ATXN7L1: variants seen among roughly 807,000 people sequenced by gnomAD.
ATXN7L1 encodes ataxin-7-like protein 1.
In ATXN7L1, 15 loss-of-function variants were observed where a neutral mutation model predicts 70.8. The ratio of observed to expected loss-of-function variants is 0.21; its 90% CI spans 0.14 to 0.33. The LOEUF (loss-of-function observed/expected upper bound fraction) is 0.33. Among genes scored for constraint, ATXN7L1 ranks in the 10% least tolerant of loss-of-function variants. The pLI is 1.00. For missense variants in ATXN7L1, 975 were observed against 1,097.1 expected, an observed-to-expected ratio of 0.89 and a Z score of 1.57; for synonymous variants, 440 against 445.1, an observed-to-expected ratio of 0.99 and a Z score of 0.14.
At chr7:105,704,807 C>T (rs895097126) in intron 3 of ATXN7L1, among the ~76,000 whole-genome samples, 3 of 151,742 alleles carry the variant, frequency 2.0e-5, no homozygotes, top group African/African-American at 7.3e-5. Context: ...GATGGCGTTT[C>T]ACTATGTTGG....
At chr7:105,638,162 T>C (rs1231239253) in intron 7 of ATXN7L1, among the ~76,000 whole-genome samples, 191 bp downstream of exon 7, 5 of 152,256 alleles carry the variant, frequency 3.3e-5, no homozygotes, top group Non-Finnish European at 4.4e-5. Flanking sequence ...GTAAAATCTG[T>C]TGAACACTAT....
At chr7:105,861,312 T>C (rs981140220) in intron 2 of ATXN7L1, among the ~76,000 whole-genome samples, 1 of 152,096 alleles carries the variant, frequency 6.6e-6, no homozygotes, top group Non-Finnish European at 1.5e-5. Context: ...TTTCAGAAGA[T>C]TAATTTTTGA....
chr7:105,753,694 A>G lies in ATXN7L1; in HGVS notation c.355+34910T>C, dbSNP rs188813116. Among the ~76,000 whole-genome samples, 428 of 152,384 alleles carry G rather than the reference A, an allele frequency of 2.8e-3. 5 individuals are homozygous for G. The highest frequency in any genetic ancestry group is 3.1e-3 in the Non-Finnish European group (209 of 68,036). On this transcript the variant is annotated intron_variant, in intron 3 of 11. Coordinates refer to ENST00000419735, the MANE Select transcript of ATXN7L1 (RefSeq NM_020725.2). ...TTCTACACTCTGGAAATAAGTTTAC[A>G]TAGAAAGAACCCTTCTAAGAAAAAG... is the stretch of plus-strand genomic sequence containing the variant.
intron 3 of ATXN7L1, among the ~76,000 whole-genome samples, chr7:105,715,753 T>C (rs373898599): frequency 1.3e-5 from 2 of 152,352 alleles, no homozygotes; most frequent in East Asian, 3.9e-4. Context: ...ATTAAAAGTG[T>C]ATCCCCACTG....
intron 8 of ATXN7L1, among the ~76,000 whole-genome samples, chr7:105,622,308 A>G (rs1243951048): frequency 6.6e-6 from 1 of 152,178 alleles, no homozygotes; most frequent in Admixed American, 6.5e-5. Context: ...TGTGCTCCAG[A>G]GTCTGGCCTT....
intron 6 of ATXN7L1, among the ~76,000 whole-genome samples, chr7:105,639,275 T>TG (rs1797829442): frequency 6.8e-6 from 1 of 147,526 alleles, no homozygotes; most frequent in African/African-American, 2.5e-5. Flanking sequence ...AAGCCTAGTT[T>TG]TTTTTTTTTT....
rs140632338 is a variant in ATXN7L1 at position 105,862,167 on chromosome 7, G to C, written c.250+13645C>G. ...GTAACCAGTTCTGGTGGGCGTGGTGGCTGACTCCTGTAATCCCAGAACTGT... is the reference window on the plus strand; with the variant it reads ...GTAACCAGTTCTGGTGGGCGTGGTGCCTGACTCCTGTAATCCCAGAACTGT... On this transcript the variant is annotated intron_variant, in intron 2 of 11. Coordinates refer to ENST00000419735, the MANE Select transcript of ATXN7L1 (RefSeq NM_020725.2). Among the ~76,000 whole-genome samples, 140 of 152,314 alleles carry C rather than the reference G, an allele frequency of 9.2e-4. 1 individual carries two copies. Among genetic ancestry groups the C allele is most frequent in the African/African-American group, 3.2e-3 (133 of 41,558 alleles).
chr7:105,800,630 T>A (rs1326481667), intron 2 of ATXN7L1, among the ~76,000 whole-genome samples: 1 of 152,176 alleles, frequency 6.6e-6, no homozygotes, highest in East Asian at 1.9e-4. Flanking sequence ...AAAGCTGCCT[T>A]AGACTAAAGA....
At chr7:105,728,706 G>A (rs1006026587) in intron 3 of ATXN7L1, among the ~76,000 whole-genome samples, 1 of 152,122 alleles carries the variant, frequency 6.6e-6, no homozygotes, top group Non-Finnish European at 1.5e-5. Context: ...ACTCCCTGGA[G>A]AAATGGCTGA....
chr7:105,672,521 T>A (rs1339304734), intron 3 of ATXN7L1, among the ~76,000 whole-genome samples: 1 of 152,232 alleles, frequency 6.6e-6, no homozygotes, highest in Non-Finnish European at 1.5e-5. Context: ...ATTTGTCTTT[T>A]AAAAAACTGA....
At chr7:105,679,160 A>T (rs898573808) in intron 3 of ATXN7L1, 86 of 985,414 alleles carry the variant, frequency 8.7e-5, no homozygotes, top group Admixed American at 1.2e-4. Context: ...GGCCCTGGCC[A>T]GTCAGAACGC....
In ATXN7L1 at chr7:105,803,907, C is replaced by T. The variant is rs1296185436; in HGVS notation, c.251-15199G>A. Among the ~76,000 whole-genome samples, 13 of 152,296 alleles carry T rather than the reference C, an allele frequency of 8.5e-5. No homozygotes were observed. In the South Asian group the frequency reaches 1.7e-3, roughly 19 times the overall value. ...AGTGATCAGAGATGGGACTATAATA[C>T]TGTCCCCTCTCTGAGGCGGCTAAGT... On this transcript the variant is annotated intron_variant, in intron 2 of 11. Coordinates refer to ENST00000419735, the MANE Select transcript of ATXN7L1 (RefSeq NM_020725.2).
At chr7:105,696,915 C>T (rs549071948) in intron 3 of ATXN7L1, among the ~76,000 whole-genome samples, 6 of 152,180 alleles carry the variant, frequency 3.9e-5, no homozygotes, top group Non-Finnish European at 5.9e-5. Context: ...GCTGGGCGTC[C>T]GGGGGAGACA....
At chr7:105,648,951 G>C (rs1236693820) in intron 4 of ATXN7L1, among the ~76,000 whole-genome samples, 4 of 140,036 alleles carry the variant, frequency 2.9e-5, no homozygotes, top group Non-Finnish European at 4.4e-5. Flanking sequence ...GACCTGGGAG[G>C]GGGTGGTGAG....
chr7:105,667,183 G>A (rs914592685), intron 3 of ATXN7L1, among the ~76,000 whole-genome samples: 3 of 152,196 alleles, frequency 2.0e-5, no homozygotes, highest in African/African-American at 7.2e-5. Flanking sequence ...GCAGGAAGCA[G>A]CCAGGGGTCT....
intron 3 of ATXN7L1, chr7:105,760,249 G>T: frequency 1.0e-6 from 1 of 982,578 alleles, no homozygotes; most frequent in African/African-American, 1.7e-5. Flanking sequence ...AGTGACAAAG[G>T]ATATTTATGT....
chr7:105,872,355 A>G (rs116235839), intron 2 of ATXN7L1, among the ~76,000 whole-genome samples: 4,016 of 152,256 alleles, frequency 0.026, 194 homozygotes, highest in African/African-American at 0.09. Context: ...TAGTCTATTA[A>G]AAATATATGA....
intron 2 of ATXN7L1, among the ~76,000 whole-genome samples, chr7:105,836,439 G>T (rs1352286638): frequency 6.6e-6 from 1 of 152,188 alleles, no homozygotes; most frequent in Non-Finnish European, 1.5e-5. Flanking sequence ...AGAGTGATTA[G>T]GGAGAAAATG....
intron 3 of ATXN7L1, among the ~76,000 whole-genome samples, chr7:105,700,035 A>AGAGCCCCTCC (rs1033006103): frequency 9.8e-5 from 15 of 152,322 alleles, no homozygotes; most frequent in African/African-American, 3.4e-4. Flanking sequence ...GCAGCGACTC[A>AGAGCCCCTCC]GAGCCCCTCC....
Sources: gnomAD v4.1 joint callset for allele counts (sites outside exome capture counted in the v4.1 genomes callset) on GRCh38, gnomAD v4.1.1 for gene constraint, MANE v1.5 for transcripts, NCBI Gene and HGNC (gene_info 2026-07-23, HGNC 2026-07-21) for gene names.